Variants in HYLS1 observed in about 807,000 individuals in gnomAD.
HYLS1 encodes HYLS1 centriolar and ciliogenesis associated.
Under a neutral mutation model 29.4 loss-of-function variants are expected in HYLS1, and 25 were observed. The ratio of observed to expected loss-of-function variants is 0.85; its 90% CI spans 0.62 to 1.19. HYLS1 has a LOEUF of 1.19. Ranked by LOEUF, HYLS1 falls within the 50% of genes most tolerant of loss-of-function variation. The pLI is 0.00. For synonymous variants in HYLS1, 128 were observed against 126.7 expected, an observed-to-expected ratio of 1.01 and a Z score of -0.07; for missense variants, 352 against 365.1, an observed-to-expected ratio of 0.96 and a Z score of 0.29.
chr11:125,891,918 C>G (rs1057474853), intron 2 of HYLS1, among the ~76,000 whole-genome samples: 7 of 152,322 alleles, frequency 4.6e-5, no homozygotes, highest in African/African-American at 1.7e-4. Flanking sequence ...AGCAATTATG[C>G]AGCATTAGTT....
intron 1 of HYLS1, 66 bp from the exon 2 acceptor site, chr11:125,891,356 AG>A (rs1944403802): frequency 6.6e-6 from 1 of 151,666 alleles, no homozygotes; most frequent in Non-Finnish European, 1.5e-5. Flanking sequence ...ACTTATGGTT[AG>A]TGCATTTTGT....
rs763456459 is a variant in HYLS1, at chr11:125,899,362, G to A, written c.-7G>A. On this transcript the variant is annotated 5_prime_UTR_variant, in exon 3 of 3. Coordinates refer to ENST00000425380, the MANE Select transcript of HYLS1 (RefSeq NM_001134793.2). Reference sequence around the variant, plus strand: ...CTTGCAGAAGGTCCTACAGTGTAGGGGAAGCAATGGAAGAACTTCTACCTG... The same window carrying A: ...CTTGCAGAAGGTCCTACAGTGTAGGAGAAGCAATGGAAGAACTTCTACCTG... 1.2e-5 allele frequency: 20 copies of A among 1,613,702 alleles called. No homozygotes were observed. The highest frequency in any genetic ancestry group is 1.6e-5 in the Non-Finnish European group (19 of 1,179,756).
chr11:125,884,453 C>A (rs1282707989), upstream of HYLS1, among the ~76,000 whole-genome samples: 2 of 148,274 alleles, frequency 1.3e-5, no homozygotes, highest in African/African-American at 2.5e-5. Context: ...ACTAAAAATA[C>A]AAAAAATTAG....
chr11:125,900,180 A>C lies in HYLS1; in HGVS notation c.812A>C (p.Lys271Thr). 6.2e-7 allele frequency: 1 copy of C among 1,614,226 alleles called. No homozygotes were observed. The highest frequency in any genetic ancestry group is 8.5e-7 in the Non-Finnish European group (1 of 1,180,052). The change falls in exon 3 of 3, where the codon AAA (lysine) becomes ACA (threonine). Residue 271 changes from lysine (K) to threonine (T), a missense_variant. Transcript: ENST00000425380. ...PNNYLVPTEK[K>T]RSALRWGVRC... is the part of the protein sequence containing the mutation. Reference sequence around the variant, plus strand: ...AATTATCTAGTACCAACAGAGAAGAAAAGGTCTGCACTCCGTTGGGGTGTT... The same window carrying C: ...AATTATCTAGTACCAACAGAGAAGACAAGGTCTGCACTCCGTTGGGGTGTT...
upstream of HYLS1, among the ~76,000 whole-genome samples, chr11:125,884,434 CCT>C (rs770342764): frequency 7.3e-5 from 11 of 150,050 alleles, no homozygotes; most frequent in Non-Finnish European, 4.4e-5. Flanking sequence ...ATGGTGAAAC[CCT>C]GTCTCTACTA....
upstream of HYLS1, among the ~76,000 whole-genome samples, chr11:125,884,434 C>G (rs1402433814): frequency 1.3e-5 from 2 of 150,050 alleles, no homozygotes; most frequent in African/African-American, 2.5e-5. Context: ...ATGGTGAAAC[C>G]CTGTCTCTAC....
intron 2 of HYLS1, chr11:125,894,225 A>G (rs187367958): frequency 6.2e-7 from 1 of 1,613,518 alleles, no homozygotes; most frequent in East Asian, 2.2e-5. Context: ...TCCTGGTCAT[A>G]GATCCACTTG....
intron 2 of HYLS1, chr11:125,896,052 C>T: frequency 6.2e-7 from 1 of 1,614,102 alleles, no homozygotes. Context: ...ACTAGCAAAG[C>T]CCTGGTATCC....
upstream of HYLS1, among the ~76,000 whole-genome samples, chr11:125,885,471 G>A (rs1944290466): frequency 6.6e-6 from 1 of 151,722 alleles, no homozygotes; most frequent in African/African-American, 2.4e-5. Context: ...AAAAAAAAAA[G>A]AAAAAGAAAC....
At position 125,895,398 on chromosome 11, in the gene HYLS1, C is replaced by T. The variant is rs1944550405; in HGVS notation, c.-26+3926C>T. 3 of 1,614,138 alleles carry T rather than the reference C, an allele frequency of 1.9e-6. No individual in the cohort carries two copies. In the East Asian group the frequency reaches 6.7e-5, roughly 36 times the overall value. Reference sequence around the variant, plus strand: ...ACATAACTGGAAAGGTTCTTGCCATCTCCCCTCACCTGGGCTCTGGCCCAC... The same window carrying T: ...ACATAACTGGAAAGGTTCTTGCCATTTCCCCTCACCTGGGCTCTGGCCCAC... On this transcript the variant is annotated intron_variant, in intron 2 of 2. Transcript: ENST00000425380.
Position 125,895,493 on chromosome 11 carries a change from C to G in HYLS1, c.-25-3851C>G. 1 of 1,614,172 alleles carries G rather than the reference C, an allele frequency of 6.2e-7. No homozygotes were observed. The highest frequency in any genetic ancestry group is 8.5e-7 in the Non-Finnish European group (1 of 1,180,040). The stretch of plus-strand genomic sequence containing the variant: ...CACCGTTGGCTACATCCATTTTACA[C>G]AAGTTCCTGAAATCATGGGTGCCAA... On this transcript the variant is annotated intron_variant, in intron 2 of 2. Coordinates refer to ENST00000425380, the MANE Select transcript of HYLS1 (RefSeq NM_001134793.2).
In HYLS1 at chr11:125,899,348, T is replaced by C; in HGVS notation, c.-21T>C. The C allele has an allele frequency of 6.2e-7, 1 of 1,609,172 alleles. No individual in the cohort carries two copies. The highest frequency in any genetic ancestry group is 8.5e-7 in the Non-Finnish European group (1 of 1,175,632). ...GACCAATGTTATCTCTTGCAGAAGG[T>C]CCTACAGTGTAGGGGAAGCAATGGA... On this transcript the variant is annotated 5_prime_UTR_variant, in exon 3 of 3. Coordinates refer to ENST00000425380, the MANE Select transcript of HYLS1 (RefSeq NM_001134793.2).
chr11:125,884,512 G>A (rs771134171), upstream of HYLS1, among the ~76,000 whole-genome samples: 18 of 152,336 alleles, frequency 1.2e-4, no homozygotes, highest in Middle Eastern at 3.4e-3. Context: ...CGGAGGCTGA[G>A]GCAGGAGAAT....
At chr11:125,898,703 T>G (rs1460860999) in intron 2 of HYLS1, among the ~76,000 whole-genome samples, 3 of 151,804 alleles carry the variant, frequency 2.0e-5, no homozygotes, top group African/African-American at 7.3e-5. Context: ...AGCATAGAAA[T>G]TATATGTATG....
chr11:125,885,866 G>A (rs902249623), upstream of HYLS1, among the ~76,000 whole-genome samples: 1 of 152,130 alleles, frequency 6.6e-6, no homozygotes, highest in Non-Finnish European at 1.5e-5. Flanking sequence ...GCAAGCCAGG[G>A]ATCTAGGTTG....
chr11:125,899,265 T>A, intron 2 of HYLS1, 79 bp from the exon 3 acceptor site: 1 of 989,704 alleles, frequency 1.0e-6, no homozygotes, highest in Non-Finnish European at 1.5e-6. Context: ...TTGACTGCTA[T>A]AAAACGGAGA....
chr11:125,885,537 T>C (rs1944291334), upstream of HYLS1, among the ~76,000 whole-genome samples: 2 of 152,146 alleles, frequency 1.3e-5, no homozygotes, highest in Admixed American at 1.3e-4. Flanking sequence ...GAAAAATGAT[T>C]CCATCTACTC....
intron 2 of HYLS1, chr11:125,896,049 A>G: frequency 6.2e-7 from 1 of 1,614,190 alleles, no homozygotes; most frequent in Non-Finnish European, 8.5e-7. Flanking sequence ...CTGACTAGCA[A>G]AGCCCTGGTA....
Position 125,898,545 on chromosome 11 carries a change from C to T in HYLS1, c.-25-799C>T, listed in dbSNP as rs553179466. On this transcript the variant is annotated intron_variant, in intron 2 of 2. Coordinates refer to ENST00000425380, the MANE Select transcript of HYLS1 (RefSeq NM_001134793.2). ...CAAAAATTAGCCAGGCGTGGTGGCCCACACCTGTAGTAGTCCAGTTACTCC... is the reference window on the plus strand; with the variant it reads ...CAAAAATTAGCCAGGCGTGGTGGCCTACACCTGTAGTAGTCCAGTTACTCC... Among the ~76,000 whole-genome samples, 13 of 152,096 alleles carry T rather than the reference C, an allele frequency of 8.5e-5. No individual in the cohort carries two copies. The East Asian group carries it at 9.7e-4, about 11-fold the overall frequency.
Sources: allele counts gnomAD v4.1 joint callset (sites outside exome capture counted in the v4.1 genomes callset), GRCh38; gene constraint gnomAD v4.1.1; transcripts MANE v1.5; gene names NCBI Gene and HGNC (gene_info 2026-07-23, HGNC 2026-07-21).